Variants in CD2AP observed in about 807,000 individuals in gnomAD.
CD2AP encodes CD2-associated protein.
Under a neutral mutation model 85.1 loss-of-function variants are expected in CD2AP, and 46 were observed. The observed-to-expected ratio is 0.54, with a 90% CI of 0.43 to 0.69. The LOEUF is 0.69. Ranked by LOEUF, CD2AP falls within the 30% of genes least tolerant of loss-of-function variation. The pLI is 0.00. For missense variants in CD2AP, 769 were observed against 729.5 expected, an observed-to-expected ratio of 1.05 and a Z score of -0.62; for synonymous variants, 255 against 252.9, an observed-to-expected ratio of 1.01 and a Z score of -0.08.
At chr6:47,478,401 T>C (rs1765360926) in intron 1 of CD2AP, among the ~76,000 whole-genome samples, 153 bp downstream of exon 1, 1 of 152,056 alleles carries the variant, frequency 6.6e-6, no homozygotes, top group Non-Finnish European at 1.5e-5. Context: ...CTTCTTGCCC[T>C]GCCTTCCACC....
intron 3 of CD2AP, among the ~76,000 whole-genome samples, chr6:47,537,077 C>A (rs1767071350): frequency 6.6e-6 from 1 of 152,158 alleles, no homozygotes; most frequent in Non-Finnish European, 1.5e-5. Flanking sequence ...GTAAAAGATA[C>A]ATTGAGATTG....
chr6:47,491,253 C>T (rs1190649108), intron 1 of CD2AP, among the ~76,000 whole-genome samples: 1 of 128,118 alleles, frequency 7.8e-6, no homozygotes, highest in East Asian at 2.3e-4. Context: ...TTTCTTTCTT[C>T]CTGATATGTG....
chr6:47,587,817 A>G (rs1457660126), intron 11 of CD2AP, among the ~76,000 whole-genome samples: 7 of 152,180 alleles, frequency 4.6e-5, no homozygotes, highest in African/African-American at 1.4e-4. Flanking sequence ...CTATACACAC[A>G]TACACAGTCA....
intron 1 of CD2AP, among the ~76,000 whole-genome samples, chr6:47,489,892 TAAAG>T (rs1408872109): frequency 1.1e-4 from 16 of 151,220 alleles, no homozygotes; most frequent in Admixed American, 8.6e-4. Flanking sequence ...GTTTAAAAAA[TAAAG>T]AAATTTAAAT....
chr6:47,505,647 G>C (rs1766131122), intron 2 of CD2AP, among the ~76,000 whole-genome samples: 5 of 118,342 alleles, frequency 4.2e-5, no homozygotes, highest in South Asian at 6.1e-4. Flanking sequence ...CTCCCTCCCG[G>C]ACGGGGCGGC....
intron 8 of CD2AP, 97 bp downstream of exon 8, chr6:47,577,200 C>A: frequency 1.4e-6 from 1 of 728,438 alleles, no homozygotes; most frequent in East Asian, 2.7e-5. Context: ...TATATTCACC[C>A]TGGAATCTAG....
intron 1 of CD2AP, chr6:47,489,164 G>GTTTTTTTTTTTTT (rs201094245): frequency 8.0e-6 from 1 of 125,738 alleles, no homozygotes; most frequent in Non-Finnish European, 1.6e-5. Context: ...CACTCAACTA[G>GTTTTTTTTTTTTT]TTTTTTTTTT....
intron 5 of CD2AP, among the ~76,000 whole-genome samples, chr6:47,566,321 T>TATAC (rs1554178557): frequency 2.3e-5 from 2 of 86,774 alleles, no homozygotes; most frequent in African/African-American, 7.0e-5. Flanking sequence ...TATATATATA[T>TATAC]ATACACATAC....
intron 11 of CD2AP, among the ~76,000 whole-genome samples, chr6:47,587,878 CTT>C (rs1306852860): frequency 6.6e-6 from 1 of 152,170 alleles, no homozygotes; most frequent in Non-Finnish European, 1.5e-5. Context: ...TGGTTCTATA[CTT>C]TCACTGGTAG....
intron 4 of CD2AP, 117 bp from the exon 5 acceptor site, chr6:47,554,529 G>T (rs1218606098): frequency 2.1e-6 from 2 of 962,032 alleles, no homozygotes; most frequent in Non-Finnish European, 3.2e-6. Context: ...ATTTTAAAGG[G>T]TTTATTTCAT....
chr6:47,608,438 A>G (rs548028228), intron 15 of CD2AP, among the ~76,000 whole-genome samples: 1 of 152,096 alleles, frequency 6.6e-6, no homozygotes, highest in Non-Finnish European at 1.5e-5. Context: ...CATCTGTTAC[A>G]TGTGTTAGGT....
intron 4 of CD2AP, among the ~76,000 whole-genome samples, chr6:47,547,446 A>C (rs917673509): frequency 2.0e-5 from 3 of 152,136 alleles, no homozygotes; most frequent in Non-Finnish European, 4.4e-5. Context: ...GACATTACAT[A>C]ATGTTAAAAG....
At chr6:47,562,132 A>G (rs778386630) in intron 5 of CD2AP, among the ~76,000 whole-genome samples, 5 of 152,250 alleles carry the variant, frequency 3.3e-5, no homozygotes, top group African/African-American at 4.8e-5. Flanking sequence ...ATCGCAAGCT[A>G]CAATTGTGTT....
chr6:47,554,001 G>C (rs1436826156), intron 4 of CD2AP, among the ~76,000 whole-genome samples: 2 of 151,836 alleles, frequency 1.3e-5, no homozygotes, highest in Non-Finnish European at 2.9e-5. Context: ...CTGTCACCTG[G>C]GCTGGAGTCC....
At chr6:47,605,966 G>T (rs1204876508) in intron 13 of CD2AP, among the ~76,000 whole-genome samples, 199 bp from the exon 14 acceptor site, 1 of 146,600 alleles carries the variant, frequency 6.8e-6, no homozygotes, top group African/African-American at 2.4e-5. Context: ...AAATGTATCA[G>T]GTAAAGAGGA....
chr6:47,601,771 A>C lies in CD2AP; in HGVS notation c.1417+2328A>C, dbSNP rs76654042. Among the ~76,000 whole-genome samples, 27 of 152,182 alleles carry C rather than the reference A, an allele frequency of 1.8e-4. No homozygotes were observed. In the East Asian group the frequency reaches 4.8e-3, roughly 27 times the overall value. On this transcript the variant is annotated intron_variant, in intron 13 of 17. Transcript: ENST00000359314. ...AACTAGCCTTTTTAATATGTTTTAG[A>C]AAGTTGAAAACATACATGAAAAACT...
At chr6:47,616,446 T>C (rs567781225) in intron 17 of CD2AP, among the ~76,000 whole-genome samples, 17 of 152,274 alleles carry the variant, frequency 1.1e-4, no homozygotes, top group East Asian at 7.7e-4. Flanking sequence ...TGCACTTCGG[T>C]ACTAAATTAT....
chr6:47,573,527 C>T (rs185011692), intron 5 of CD2AP, among the ~76,000 whole-genome samples: 396 of 120,888 alleles, frequency 3.3e-3, no homozygotes, highest in African/African-American at 0.011. Context: ...CTTGCCCTGT[C>T]GCCCAGGCTG....
chr6:47,536,670 A>AT (rs1267799608), intron 3 of CD2AP, among the ~76,000 whole-genome samples: 3 of 152,030 alleles, frequency 2.0e-5, no homozygotes, highest in Admixed American at 6.6e-5. Context: ...AGAAGTATTA[A>AT]TTTTTTTTAG....
Sources: allele counts gnomAD v4.1 joint callset (sites outside exome capture counted in the v4.1 genomes callset), GRCh38; gene constraint gnomAD v4.1.1; transcripts MANE v1.5; gene names NCBI Gene and HGNC (gene_info 2026-07-23, HGNC 2026-07-21).